The following NCOA3 variants were observed in gnomAD, a reference collection of about 807,000 sequenced individuals.
NCOA3 encodes CBP-interacting protein.
In NCOA3, 51 loss-of-function variants were observed where a neutral mutation model predicts 158.8. That is an observed-to-expected ratio of 0.32 (90% CI 0.26 to 0.41). The LOEUF is 0.41. Among genes scored for constraint, NCOA3 ranks in the 10% least tolerant of loss-of-function variants. The probability of loss-of-function intolerance (pLI) is 1.00; values close to 1 mark genes in which losing one functional copy is unlikely to be tolerated. For missense variants in NCOA3, 1,510 were observed against 1,746.6 expected (o/e 0.86, Z 2.41); for synonymous variants, 537 against 592.4 (o/e 0.91, Z 1.36).
intron 1 of NCOA3, among the ~76,000 whole-genome samples, chr20:47,542,490 A>C (rs1387357547): frequency 6.6e-6 from 1 of 152,120 alleles, no homozygotes; most frequent in Non-Finnish European, 1.5e-5. Context: ...TTTTACAAGC[A>C]TATTCATTAT....
chr20:47,589,549 T>C (rs186994519), intron 2 of NCOA3, among the ~76,000 whole-genome samples: 134 of 152,090 alleles, frequency 8.8e-4, no homozygotes, highest in Admixed American at 1.1e-3. Context: ...CTAATTTTTT[T>C]TTTTTAAGTA....
intron 1 of NCOA3, among the ~76,000 whole-genome samples, chr20:47,518,944 T>C (rs2084279443): frequency 6.6e-6 from 1 of 151,094 alleles, no homozygotes; most frequent in South Asian, 2.1e-4. Context: ...GCAACCAACC[T>C]GGCCAACATG....
At chr20:47,614,171 A>T (rs2086094366) in intron 2 of NCOA3, among the ~76,000 whole-genome samples, 1 of 151,992 alleles carries the variant, frequency 6.6e-6, no homozygotes, top group African/African-American at 2.4e-5. Flanking sequence ...CTCTTATTTT[A>T]TTAGTAAGGG....
chr20:47,620,681 A>G (rs2146294893), intron 2 of NCOA3, among the ~76,000 whole-genome samples: 1 of 152,258 alleles, frequency 6.6e-6, no homozygotes, highest in Middle Eastern at 3.4e-3. Context: ...GTTACCCCAA[A>G]TATTATACTA....
At chr20:47,610,520 C>T (rs938598181) in intron 2 of NCOA3, among the ~76,000 whole-genome samples, 5 of 151,964 alleles carry the variant, frequency 3.3e-5, no homozygotes, top group South Asian at 4.2e-4. Flanking sequence ...GAAACTGGCC[C>T]GGAAACATTT....
At chr20:47,538,478 T>C (rs1209430265) in intron 1 of NCOA3, among the ~76,000 whole-genome samples, 1 of 152,194 alleles carries the variant, frequency 6.6e-6, no homozygotes, top group Non-Finnish European at 1.5e-5. Context: ...TAAGATACTT[T>C]TTAAAAACAT....
At chr20:47,533,104 CAAAAAAAA>C (rs11344209) in intron 1 of NCOA3, among the ~76,000 whole-genome samples, 3 of 39,716 alleles carry the variant, frequency 7.6e-5, no homozygotes, top group Admixed American at 8.2e-4. Context: ...GACTCTGTCT[CAAAAAAAA>C]AAAAAAAAAA....
intron 17 of NCOA3, among the ~76,000 whole-genome samples, chr20:47,645,193 C>T (rs1177318189): frequency 6.6e-6 from 1 of 152,010 alleles, no homozygotes; most frequent in Non-Finnish European, 1.5e-5. Flanking sequence ...TCAGCCTCTG[C>T]CTCACTCCTT....
At chr20:47,598,717 T>A (rs1240761950) in intron 2 of NCOA3, among the ~76,000 whole-genome samples, 2 of 152,226 alleles carry the variant, frequency 1.3e-5, no homozygotes, top group African/African-American at 4.8e-5. Flanking sequence ...CAAATATTCA[T>A]AGCAACAGTA....
At chr20:47,597,823 A>C (rs1347534479) in intron 2 of NCOA3, among the ~76,000 whole-genome samples, 1 of 150,886 alleles carries the variant, frequency 6.6e-6, no homozygotes, top group Non-Finnish European at 1.5e-5. Flanking sequence ...TAGAGTTTTT[A>C]TCTCTCTGCT....
intron 1 of NCOA3, among the ~76,000 whole-genome samples, chr20:47,538,938 A>G (rs2084678659): frequency 6.6e-6 from 1 of 152,220 alleles, no homozygotes; most frequent in African/African-American, 2.4e-5. Flanking sequence ...AAGTTTCAGC[A>G]TCTGTTCTGG....
chr20:47,650,481 C>T (rs540811718), intron 19 of NCOA3, among the ~76,000 whole-genome samples: 5 of 151,852 alleles, frequency 3.3e-5, no homozygotes, highest in Non-Finnish European at 4.4e-5. Flanking sequence ...GAACTCCTGA[C>T]CTCAAGTGAT....
chr20:47,591,247 T>C (rs1253497768), intron 2 of NCOA3, among the ~76,000 whole-genome samples: 5 of 152,252 alleles, frequency 3.3e-5, no homozygotes. Context: ...GTAGTCACTT[T>C]TAAGTTGTCT....
At chr20:47,524,994 A>G (rs1327356880) in intron 1 of NCOA3, among the ~76,000 whole-genome samples, 2 of 149,364 alleles carry the variant, frequency 1.3e-5, no homozygotes, top group African/African-American at 5.0e-5. Context: ...GGGATTTGGC[A>G]GGGTCACAGG....
chr20:47,590,006 G>T (rs1231972881), intron 2 of NCOA3, among the ~76,000 whole-genome samples: 1 of 145,540 alleles, frequency 6.9e-6, no homozygotes, highest in Non-Finnish European at 1.6e-5. Context: ...TCACTATATT[G>T]CCTAGGCTAG....
At position 47,636,772 on chromosome 20, in the gene NCOA3, T is replaced by G; in HGVS notation, c.2376+10T>G. On this transcript the variant is annotated intron_variant, in intron 12 of 22. Coordinates refer to ENST00000371998, the MANE Select transcript of NCOA3 (RefSeq NM_181659.3). ...AGAGACAAGTGAAGAGGTAATTTGT[T>G]TTCTGTATATTTCAGCTCATATTTC... 6.3e-7 allele frequency: 1 copy of G among 1,576,230 alleles called. No individual in the cohort carries two copies. Among genetic ancestry groups the G allele is most frequent in the Non-Finnish European group, 8.6e-7 (1 of 1,158,200 alleles).
chr20:47,572,073 T>C (rs1602421018), intron 1 of NCOA3, among the ~76,000 whole-genome samples: 1 of 152,292 alleles, frequency 6.6e-6, no homozygotes, highest in East Asian at 1.9e-4. Flanking sequence ...TTAAACCTCA[T>C]GAAGCAACCT....
intron 1 of NCOA3, among the ~76,000 whole-genome samples, chr20:47,537,572 T>G (rs1373264039): frequency 1.3e-5 from 2 of 151,210 alleles, no homozygotes; most frequent in Non-Finnish European, 1.5e-5. Context: ...AACCAAGGGG[T>G]TTACATAGGG....
rs915584545 is a variant in NCOA3, at chr20:47,656,042, A to C, written c.*2625A>C. 7.0e-6 allele frequency: 1 copy of C among 142,174 alleles called. No homozygotes were observed. The allele number at this position is 142,174 out of a possible 1,614,324, so 8.8% of individuals were successfully genotyped here. A position where few individuals can be genotyped will look rare whatever the true frequency, so the allele number is the denominator to read the frequency against. ...CTCTCCTCACACCCCAGCACCCCCC[A>C]TTTTTTCAAACCTTGGTATCTGTTG... On this transcript the variant is annotated 3_prime_UTR_variant, in exon 23 of 23. Coordinates refer to ENST00000371998, the MANE Select transcript of NCOA3 (RefSeq NM_181659.3).
Sources: allele counts gnomAD v4.1 joint callset (sites outside exome capture counted in the v4.1 genomes callset), GRCh38; gene constraint gnomAD v4.1.1; transcripts MANE v1.5; gene names NCBI Gene and HGNC (gene_info 2026-07-23, HGNC 2026-07-21).